The following ABI3BP variants were observed in gnomAD, a reference collection of about 807,000 sequenced individuals.
The protein encoded by ABI3BP is ABI family member 3 binding protein, also known as target of Nesh-SH3.
In ABI3BP, 216 loss-of-function variants were observed where a neutral mutation model predicts 268.6. The observed-to-expected ratio is 0.80, with a 90% CI of 0.72 to 0.90. ABI3BP has a LOEUF of 0.90. Ranked by LOEUF, ABI3BP falls within the 40% of genes least tolerant of loss-of-function variation. The probability of loss-of-function intolerance (pLI) is 0.00; values close to 1 mark genes in which losing one functional copy is unlikely to be tolerated. For missense variants in ABI3BP, 2,090 were observed against 2,182.4 expected (o/e 0.96, Z 0.84); for synonymous variants, 730 against 730.0 (o/e 1.00, Z 0.00).
At chr3:100,825,190 A>C (rs1342650094) in intron 35 of ABI3BP, among the ~76,000 whole-genome samples, 1 of 152,136 alleles carries the variant, frequency 6.6e-6, no homozygotes, top group Non-Finnish European at 1.5e-5. Context: ...AAACTTATAG[A>C]ACTTCCTTGC....
At chr3:100,899,449 A>G (rs1158391089) in intron 3 of ABI3BP, among the ~76,000 whole-genome samples, 2 of 152,340 alleles carry the variant, frequency 1.3e-5, no homozygotes, top group East Asian at 3.9e-4. Context: ...ATATTTTACA[A>G]TGAGTATCTA....
At chr3:100,820,670 A>G (rs956137786) in intron 39 of ABI3BP, among the ~76,000 whole-genome samples, 26 of 152,226 alleles carry the variant, frequency 1.7e-4, no homozygotes, top group African/African-American at 4.6e-4. Flanking sequence ...TATCACATAG[A>G]TAGCAAAAAT....
chr3:100,908,289 C>G (rs542777530), intron 2 of ABI3BP, among the ~76,000 whole-genome samples: 2 of 151,960 alleles, frequency 1.3e-5, no homozygotes, highest in African/African-American at 2.4e-5. Flanking sequence ...CTAAACATGC[C>G]AGACCCTTGC....
chr3:100,749,581 C>CTGA lies in ABI3BP; in HGVS notation c.*911_*913dup. 2.5e-6 allele frequency: 1 copy of CTGA among 397,302 alleles called. No individual in the cohort carries two copies. Among genetic ancestry groups the CTGA allele is most frequent in the Non-Finnish European group, 4.4e-6 (1 of 225,462 alleles). 24.6% of individuals were successfully genotyped at this position (397,302 alleles called of 1,614,324 possible). Reference sequence around the variant, plus strand: ...AATTAAACAGTTACAAAGACATTCTCTGATACATTCATTCATAGAGGTCTT... The same window carrying CTGA: ...AATTAAACAGTTACAAAGACATTCTCTGATGATACATTCATTCATAGAGGTCTT... On this transcript the variant is annotated 3_prime_UTR_variant, in exon 68 of 68. Transcript: ENST00000471714.
chr3:100,781,544 G>A (rs2096863788), intron 57 of ABI3BP, among the ~76,000 whole-genome samples: 2 of 152,144 alleles, frequency 1.3e-5, no homozygotes, highest in Non-Finnish European at 2.9e-5. Context: ...ACTGTCAGGG[G>A]TAGTGGGGAA....
chr3:100,839,444 G>T, intron 24 of ABI3BP, 125 bp downstream of exon 24: 1 of 1,031,234 alleles, frequency 9.7e-7, no homozygotes. Context: ...GACAGGAAAG[G>T]TGAGGAAAAG....
At chr3:100,813,834 A>G in intron 44 of ABI3BP, 99 bp from the exon 45 acceptor site, 1 of 1,013,214 alleles carries the variant, frequency 9.9e-7, no homozygotes, top group East Asian at 2.6e-5. Flanking sequence ...CAGACCCTGA[A>G]AATCATGAGG....
chr3:100,898,989 T>C (rs563251426), intron 3 of ABI3BP, 95 bp from the exon 4 acceptor site: 161 of 1,313,812 alleles, frequency 1.2e-4, no homozygotes, highest in Non-Finnish European at 1.3e-4. Context: ...GGCAAGATGA[T>C]GCAAAATGTG....
rs185544927 is a variant in ABI3BP at position 100,749,983 on chromosome 3, T to C, written c.*512A>G. ...TTGCTAAAAAATTGAAGTTTAAATA[T>C]AAAAAATTGAAGTTTAAATATAAAT... is the stretch of plus-strand genomic sequence containing the variant. On this transcript the variant is annotated 3_prime_UTR_variant, in exon 68 of 68. Transcript: ENST00000471714. 2.9e-6 allele frequency: 1 copy of C among 349,442 alleles called. No homozygotes were observed. The highest frequency in any genetic ancestry group is 4.0e-5 in the East Asian group (1 of 24,874). The allele number at this position is 349,442 out of a possible 1,614,324, so 21.6% of individuals were successfully genotyped here.
intron 64 of ABI3BP, 87 bp from the exon 65 acceptor site, chr3:100,753,935 C>T: frequency 7.4e-7 from 1 of 1,350,734 alleles, no homozygotes; most frequent in South Asian, 1.2e-5. Context: ...GGGGCTTACA[C>T]TTGTTAAGAA....
chr3:100,939,185 G>A (rs1023386426), intron 1 of ABI3BP, among the ~76,000 whole-genome samples: 1 of 152,010 alleles, frequency 6.6e-6, no homozygotes, highest in Non-Finnish European at 1.5e-5. Context: ...TCCCAGTAGG[G>A]AATTTCTGAG....
intron 2 of ABI3BP, among the ~76,000 whole-genome samples, chr3:100,910,504 A>C (rs1480571306): frequency 2.0e-5 from 3 of 152,166 alleles, no homozygotes; most frequent in Non-Finnish European, 2.9e-5. Context: ...ACATTGTGAA[A>C]ATAAATTCTA....
At chr3:100,852,109 C>A (rs898993573) in intron 14 of ABI3BP, among the ~76,000 whole-genome samples, 169 bp from the exon 15 acceptor site, 4 of 152,098 alleles carry the variant, frequency 2.6e-5, no homozygotes, top group African/African-American at 9.7e-5. Flanking sequence ...ATCTAAGCAC[C>A]GAAACTCGCC....
At chr3:100,861,718 T>TAC (rs2099000813) in intron 14 of ABI3BP, among the ~76,000 whole-genome samples, 1 of 149,736 alleles carries the variant, frequency 6.7e-6, no homozygotes, top group South Asian at 2.1e-4. Context: ...AGCCAATTGC[T>TAC]ACAGTTTGCA....
At chr3:100,868,071 G>C (rs938722798) in intron 9 of ABI3BP, among the ~76,000 whole-genome samples, 5 of 152,280 alleles carry the variant, frequency 3.3e-5, no homozygotes, top group African/African-American at 1.2e-4. Flanking sequence ...TTTTGAAACA[G>C]TCTAGTGGCA....
intron 20 of ABI3BP, among the ~76,000 whole-genome samples, chr3:100,844,806 A>G (rs892416329): frequency 6.6e-5 from 10 of 152,184 alleles, no homozygotes; most frequent in Non-Finnish European, 5.9e-5. Flanking sequence ...TGATGATTAG[A>G]AGGTTTAGAA....
chr3:100,765,106 GA>G lies in ABI3BP; in HGVS notation c.4850+734del, dbSNP rs33912702. ...CAATTGATGACAATGTGAACATTAT[GA>G]AAAAAAAAAAAAACTTGGAACTTCC... On this transcript the variant is annotated intron_variant, in intron 63 of 67. Transcript: ENST00000471714. 9.1e-3 allele frequency among the ~76,000 whole-genome samples: 1,309 copies of G among 143,680 alleles called. 16 individuals carry two copies. Among genetic ancestry groups the G allele is most frequent in the East Asian group, 0.046 (228 of 4,982 alleles). The allele number at this position is 143,680 out of a possible 152,430, so 94.3% of individuals were successfully genotyped here. A position where few individuals can be genotyped will look rare whatever the true frequency, so the allele number is the denominator to read the frequency against.
intron 1 of ABI3BP, among the ~76,000 whole-genome samples, chr3:100,977,605 T>G (rs775982446): frequency 6.6e-6 from 1 of 152,242 alleles, no homozygotes; most frequent in Non-Finnish European, 1.5e-5. Flanking sequence ...TTTCTCCAGA[T>G]TGGGTGATCC....
At chr3:100,756,049 C>T (rs1052336775) in intron 63 of ABI3BP, among the ~76,000 whole-genome samples, 3 of 152,200 alleles carry the variant, frequency 2.0e-5, no homozygotes, top group Non-Finnish European at 4.4e-5. Context: ...AGAACAGATT[C>T]TAGTGCTACA....
Sources: allele counts gnomAD v4.1 joint callset (sites outside exome capture counted in the v4.1 genomes callset), GRCh38; gene constraint gnomAD v4.1.1; transcripts MANE v1.5; gene names NCBI Gene and HGNC (gene_info 2026-07-23, HGNC 2026-07-21).